GALNT15: variants seen among roughly 807,000 people sequenced by gnomAD.
GALNT15 encodes the protein polypeptide N-acetylgalactosaminyltransferase 15, also known as UDP-GalNAc transferase T15.
Under a neutral mutation model 66.8 loss-of-function variants are expected in GALNT15, and 67 were observed. That is an observed-to-expected ratio of 1.00 (90% CI 0.82 to 1.23). GALNT15 has a LOEUF of 1.23. GALNT15 is among the 50% of genes most tolerant of loss of function. The pLI, the probability that GALNT15 is intolerant of heterozygous loss-of-function variation, is 0.00. For synonymous variants in GALNT15, 313 were observed against 311.5 expected (o/e 1.00, Z -0.05); for missense variants, 827 against 804.3 (o/e 1.03, Z -0.34).
At chr3:16,196,170 G>C (rs574252559) in intron 2 of GALNT15, among the ~76,000 whole-genome samples, 3 of 152,274 alleles carry the variant, frequency 2.0e-5, no homozygotes, top group African/African-American at 7.2e-5. Flanking sequence ...CCTGGGGAGG[G>C]TCTTGAGGGG....
At chr3:16,235,605 G>A (rs2064121389), downstream of GALNT15, among the ~76,000 whole-genome samples, 1 of 152,158 alleles carries the variant, frequency 6.6e-6, no homozygotes, top group Non-Finnish European at 1.5e-5. Context: ...GGGCAGGAGT[G>A]ACTTACCAGA....
chr3:16,193,763 C>T lies in GALNT15; in HGVS notation c.540-1997C>T, dbSNP rs1053218698. ...CACCTCACAGATTCCTTTAGGTGTC[C>T]GAAGTTTGGGGTCCTTGAGATGGCT... On this transcript the variant is annotated intron_variant, in intron 1 of 9. Transcript: ENST00000339732. This position sits in a 1 kb window ranked among gnomAD's most constrained non-coding sequence, Gnocchi z 4.7. 6.6e-6 allele frequency among the ~76,000 whole-genome samples: 1 copy of T among 152,124 alleles called. No homozygotes were observed. The highest frequency in any genetic ancestry group is 1.5e-5 in the Non-Finnish European group (1 of 68,038).
the GALNT15 span, among the ~76,000 whole-genome samples, chr3:16,248,143 G>A: frequency 5.9e-4 from 89 of 151,710 alleles, 1 homozygote; most frequent in African/African-American, 1.8e-3. This position sits in a 1 kb window ranked among gnomAD's most constrained non-coding sequence, Gnocchi z 4.9. Flanking sequence ...TCCCTCCCCC[G>A]CTCAAAACAC....
At chr3:16,192,710 C>T (rs539130758) in intron 1 of GALNT15, among the ~76,000 whole-genome samples, 1 of 152,334 alleles carries the variant, frequency 6.6e-6, no homozygotes, top group South Asian at 2.1e-4. Context: ...TCAGCAAAGA[C>T]TATGCATGTG....
chr3:16,218,427 G>T (rs922872758), intron 6 of GALNT15, among the ~76,000 whole-genome samples: 2 of 152,002 alleles, frequency 1.3e-5, no homozygotes, highest in African/African-American at 4.8e-5. Flanking sequence ...CCAAGATTTG[G>T]TACTAAACTT....
chr3:16,226,354 G>A (rs538957767), intron 9 of GALNT15, among the ~76,000 whole-genome samples: 2 of 152,160 alleles, frequency 1.3e-5, no homozygotes, highest in Non-Finnish European at 1.5e-5. Context: ...ATACTAGTCT[G>A]TTCTCACACT....
At chr3:16,232,508 ATATTTATTT>A (rs1559698441), downstream of GALNT15, among the ~76,000 whole-genome samples, 274 of 78,456 alleles carry the variant, frequency 3.5e-3, 3 homozygotes, top group African/African-American at 0.016. Flanking sequence ...ATATATATAT[ATATTTATTT>A]AAAAGAGACA....
chr3:16,226,579 C>T (rs1270678757), intron 9 of GALNT15, among the ~76,000 whole-genome samples: 3 of 152,082 alleles, frequency 2.0e-5, no homozygotes, highest in African/African-American at 7.2e-5. Context: ...TCCAAACAAC[C>T]AATCTTGTGA....
rs1384746757 is a variant in GALNT15, at chr3:16,211,749, T to C, written c.1197+508T>C. 6.6e-6 allele frequency among the ~76,000 whole-genome samples: 1 copy of C among 152,168 alleles called. No individual in the cohort carries two copies. The highest frequency in any genetic ancestry group is 2.4e-5 in the African/African-American group (1 of 41,436). Reference sequence around the variant, plus strand: ...TTCTAGCATGATACTTGCTTTTTCATCACAGTATCCTCCGAAAACCCAACA... The same window carrying C: ...TTCTAGCATGATACTTGCTTTTTCACCACAGTATCCTCCGAAAACCCAACA... On this transcript the variant is annotated intron_variant, in intron 5 of 9. Transcript: ENST00000339732. The surrounding 1 kb of genome is among the most constrained non-coding windows in gnomAD (Gnocchi z 4.3).
intron 2 of GALNT15, among the ~76,000 whole-genome samples, chr3:16,196,575 A>C (rs2063640676): frequency 1.3e-5 from 2 of 152,184 alleles, no homozygotes; most frequent in Non-Finnish European, 2.9e-5. Flanking sequence ...CTCGTAGGTC[A>C]GTGGCTCTCA....
chr3:16,228,982 G>A lies in GALNT15; in HGVS notation c.*1482G>A. ...ATGACTTGGCTTACCTGAATTAGCT[G>A]TAAGAGTTGCCGAATGGGATGGGTT... On this transcript the variant is annotated 3_prime_UTR_variant, in exon 10 of 10. Transcript: ENST00000339732. 2.0e-6 allele frequency: 2 copies of A among 985,464 alleles called. No homozygotes were observed. The highest frequency in any genetic ancestry group is 2.4e-6 in the Non-Finnish European group (2 of 829,942). 61.0% of individuals were successfully genotyped at this position (985,464 alleles called of 1,614,324 possible).
At chr3:16,223,386 CTG>C (rs1452400503) in intron 9 of GALNT15, among the ~76,000 whole-genome samples, 2 of 152,156 alleles carry the variant, frequency 1.3e-5, no homozygotes, top group Non-Finnish European at 2.9e-5. Context: ...AGTATCAACA[CTG>C]TGTCCATACA....
chr3:16,222,611 A>G lies in GALNT15; in HGVS notation c.1630-4A>G, dbSNP rs2063955105. 4 of 1,614,188 alleles carry G rather than the reference A, an allele frequency of 2.5e-6. No homozygotes were observed. Among genetic ancestry groups the G allele is most frequent in the Non-Finnish European group, 3.4e-6 (4 of 1,180,034 alleles). ...TGCGCTAACAACTATTGCTTCTGTCACAGTACCTGCAGCACACCAGCAGGA... is the reference window on the plus strand; with the variant it reads ...TGCGCTAACAACTATTGCTTCTGTCGCAGTACCTGCAGCACACCAGCAGGA... On this transcript the variant is annotated splice_region_variant and splice_polypyrimidine_tract_variant and intron_variant, in intron 8 of 9. Transcript: ENST00000339732.
chr3:16,243,678 G>A, the GALNT15 span, among the ~76,000 whole-genome samples: 1 of 152,234 alleles, frequency 6.6e-6, no homozygotes, highest in Non-Finnish European at 1.5e-5. Flanking sequence ...AAAAGATTGG[G>A]AAGCATGGTC....
In GALNT15 at chr3:16,229,249, C is replaced by G. The variant is rs2064056303; in HGVS notation, c.*1749C>G. The G allele has an allele frequency of 1.0e-6, 1 of 984,936 alleles. No individual in the cohort carries two copies. The highest frequency in any genetic ancestry group is 4.7e-5 in the South Asian group (1 of 21,282). The allele number at this position is 984,936 out of a possible 1,614,324, so 61.0% of individuals were successfully genotyped here. ...CAAGGGTTCACTGCATTTCTCCTTC[C>G]TCAGAATACACTCTGGACCTGTGCT... On this transcript the variant is annotated 3_prime_UTR_variant, in exon 10 of 10. Transcript: ENST00000339732.
intron 3 of GALNT15, among the ~76,000 whole-genome samples, chr3:16,206,329 C>T (rs897986038): frequency 5.3e-5 from 8 of 150,074 alleles, no homozygotes; most frequent in African/African-American, 1.7e-4. Flanking sequence ...TTGCAGTGAG[C>T]GCAGATTGTG....
rs1347245566 is a variant in GALNT15 at position 16,189,998 on chromosome 3, C to G, written c.540-5762C>G. 6.6e-6 allele frequency among the ~76,000 whole-genome samples: 1 copy of G among 152,186 alleles called. No homozygotes were observed. Among genetic ancestry groups the G allele is most frequent in the Admixed American group, 6.5e-5 (1 of 15,272 alleles). Reference sequence around the variant, plus strand: ...ATTTGAACCCAATGCCAAAACTTCGCCTTTTATCCACTTGATAAAACATCA... The same window carrying G: ...ATTTGAACCCAATGCCAAAACTTCGGCTTTTATCCACTTGATAAAACATCA... On this transcript the variant is annotated intron_variant, in intron 1 of 9. Transcript: ENST00000339732. The surrounding 1 kb of genome is among the most constrained non-coding windows in gnomAD (Gnocchi z 5.1).
At chr3:16,217,903 G>A (rs1432005039) in intron 6 of GALNT15, among the ~76,000 whole-genome samples, 1 of 152,172 alleles carries the variant, frequency 6.6e-6, no homozygotes, top group African/African-American at 2.4e-5. Flanking sequence ...AATTTACTTA[G>A]AGGAAAAAGT....
chr3:16,224,758 T>G lies in GALNT15; in HGVS notation c.1773+2000T>G, dbSNP rs1252132963. On this transcript the variant is annotated intron_variant, in intron 9 of 9. Coordinates refer to ENST00000339732, the MANE Select transcript of GALNT15 (RefSeq NM_054110.5). This position sits in a 1 kb window ranked among gnomAD's most constrained non-coding sequence, Gnocchi z 5.2. ...TTCAAGCGATTCTCCTGCCTCAGCCTCTTTAGTGGCTGAGATTAGAGGTGC... is the reference window on the plus strand; with the variant it reads ...TTCAAGCGATTCTCCTGCCTCAGCCGCTTTAGTGGCTGAGATTAGAGGTGC... Among the ~76,000 whole-genome samples, 3 of 151,760 alleles carry G rather than the reference T, an allele frequency of 2.0e-5. No homozygotes were observed. Among genetic ancestry groups the G allele is most frequent in the Non-Finnish European group, 4.4e-5 (3 of 67,984 alleles).
Sources: allele counts gnomAD v4.1 joint callset (sites outside exome capture counted in the v4.1 genomes callset), GRCh38; gene constraint gnomAD v4.1.1; non-coding constraint Gnocchi (gnomAD v3.1); transcripts MANE v1.5; gene names NCBI Gene and HGNC (gene_info 2026-07-23, HGNC 2026-07-21).